Variants in CELF4 observed in about 807,000 individuals in gnomAD.
CELF4 encodes CUG-BP- and ETR-3-like factor 4.
CELF4 carries 18 observed loss-of-function variants against 59.9 expected under a neutral mutation model. The ratio of observed to expected loss-of-function variants is 0.30; its 90% CI spans 0.21 to 0.45. CELF4 has a LOEUF of 0.45. Among genes scored for constraint, CELF4 ranks in the 20% least tolerant of loss-of-function variants. The pLI is 1.00. For missense variants in CELF4, 456 were observed against 689.0 expected (o/e 0.66, Z 3.79); for synonymous variants, 261 against 267.1 (o/e 0.98, Z 0.22).
At chr18:37,306,329 C>T (rs1444052376) in intron 3 of CELF4, 5 of 152,358 alleles carry the variant, frequency 3.3e-5, no homozygotes. Flanking sequence ...TGTCACTCCC[C>T]TCCTGGCGTG....
intron 1 of CELF4, among the ~76,000 whole-genome samples, chr18:37,488,278 G>C (rs1190325818): frequency 1.3e-5 from 2 of 152,092 alleles, no homozygotes; most frequent in Non-Finnish European, 2.9e-5. Flanking sequence ...ATCACTCCCT[G>C]ACAGAGTCAC....
At chr18:37,560,272 A>G (rs541911265) in intron 1 of CELF4, among the ~76,000 whole-genome samples, 2 of 152,320 alleles carry the variant, frequency 1.3e-5, no homozygotes, top group South Asian at 4.1e-4. Flanking sequence ...ATGTTAATTT[A>G]TCTCTGTGTT....
intron 2 of CELF4, among the ~76,000 whole-genome samples, chr18:37,343,833 C>G (rs1354158296): frequency 6.6e-6 from 1 of 152,148 alleles, no homozygotes; most frequent in African/African-American, 2.4e-5. Context: ...AGACTCCCCA[C>G]TCCCAAACCC....
intron 3 of CELF4, among the ~76,000 whole-genome samples, chr18:37,309,838 G>C (rs1477228501): frequency 1.4e-5 from 2 of 148,124 alleles, no homozygotes; most frequent in African/African-American, 5.0e-5. Context: ...CCACATTTTT[G>C]CCTTGCTTGT....
intron 1 of CELF4, among the ~76,000 whole-genome samples, chr18:37,515,648 G>A (rs2154604473): frequency 6.6e-6 from 1 of 152,344 alleles, no homozygotes; most frequent in South Asian, 2.1e-4. Context: ...CCCGAGGGAT[G>A]GTATCAAGGG....
chr18:37,522,552 G>T (rs1267937789), intron 1 of CELF4, among the ~76,000 whole-genome samples: 2 of 152,148 alleles, frequency 1.3e-5, no homozygotes, highest in Admixed American at 6.5e-5. Flanking sequence ...CATGTCAGAT[G>T]GGGGCAATGA....
intron 3 of CELF4, among the ~76,000 whole-genome samples, chr18:37,286,785 C>G (rs1473796606): frequency 6.6e-6 from 1 of 152,062 alleles, no homozygotes; most frequent in East Asian, 1.9e-4. Flanking sequence ...AACACTGTGC[C>G]GAGAACCTCT....
intron 3 of CELF4, among the ~76,000 whole-genome samples, chr18:37,291,447 G>A (rs1444542696): frequency 6.6e-6 from 1 of 152,198 alleles, no homozygotes; most frequent in African/African-American, 2.4e-5. Flanking sequence ...CCGCACCCTG[G>A]TGTGGTCAGG....
At chr18:37,498,763 G>A (rs537593269) in intron 1 of CELF4, among the ~76,000 whole-genome samples, 2 of 152,190 alleles carry the variant, frequency 1.3e-5, no homozygotes, top group South Asian at 4.1e-4. Context: ...TGGAGTTCCG[G>A]GAGAGGGTTG....
chr18:37,249,904 T>G (rs1600045638), intron 12 of CELF4, among the ~76,000 whole-genome samples: 1 of 152,222 alleles, frequency 6.6e-6, no homozygotes, highest in African/African-American at 2.4e-5. Context: ...AAAGCACCTG[T>G]GCCTGCAAAG....
At chr18:37,358,743 C>T (rs1340198136) in intron 2 of CELF4, among the ~76,000 whole-genome samples, 2 of 152,188 alleles carry the variant, frequency 1.3e-5, no homozygotes, top group African/African-American at 4.8e-5. Context: ...ACTGCAGGCT[C>T]CAAGAGGGCA....
At chr18:37,430,156 C>G (rs978890551) in intron 2 of CELF4, among the ~76,000 whole-genome samples, 3 of 152,212 alleles carry the variant, frequency 2.0e-5, no homozygotes, top group African/African-American at 4.8e-5. Flanking sequence ...TCAGCCTGAG[C>G]TGACTTTGTG....
At chr18:37,280,087 A>G (rs2093934577) in intron 3 of CELF4, among the ~76,000 whole-genome samples, 1 of 152,166 alleles carries the variant, frequency 6.6e-6, no homozygotes, top group African/African-American at 2.4e-5. Flanking sequence ...CAGAGAGGGC[A>G]TCTTGGCTCT....
chr18:37,473,227 C>G (rs1370267881), intron 2 of CELF4: 1 of 152,286 alleles, frequency 6.6e-6, no homozygotes, highest in Admixed American at 6.5e-5. Context: ...CACCCCACAC[C>G]CCTTTACAAA....
chr18:37,475,267 C>T (rs1362733841), intron 2 of CELF4, among the ~76,000 whole-genome samples: 1 of 152,364 alleles, frequency 6.6e-6, no homozygotes, highest in East Asian at 1.9e-4. Context: ...TCCTTTAAAG[C>T]CTAACATTAG....
At chr18:37,287,564 C>A (rs138398034) in intron 3 of CELF4, among the ~76,000 whole-genome samples, 1 of 152,224 alleles carries the variant, frequency 6.6e-6, no homozygotes, top group Admixed American at 6.5e-5. Context: ...TGTGCCCCTT[C>A]CCCCTCCATC....
At chr18:37,456,311 G>A (rs2099778091) in intron 2 of CELF4, among the ~76,000 whole-genome samples, 1 of 152,116 alleles carries the variant, frequency 6.6e-6, no homozygotes, top group East Asian at 1.9e-4. Flanking sequence ...AAGTGGCCTC[G>A]GTGGGGTGGC....
chr18:37,319,145 G>A (rs1319896204), intron 3 of CELF4, among the ~76,000 whole-genome samples: 3 of 152,186 alleles, frequency 2.0e-5, no homozygotes, highest in African/African-American at 7.2e-5. Flanking sequence ...GTGAACTGGG[G>A]GCTGCAGGTG....
chr18:37,469,635 G>T (rs184588362), intron 2 of CELF4, among the ~76,000 whole-genome samples: 50 of 152,304 alleles, frequency 3.3e-4, no homozygotes, highest in African/African-American at 1.2e-3. Context: ...TATCCTAAAA[G>T]AAAATATTAA....
Sources: gnomAD v4.1 joint callset for allele counts (sites outside exome capture counted in the v4.1 genomes callset) on GRCh38, gnomAD v4.1.1 for gene constraint, MANE v1.5 for transcripts, NCBI Gene and HGNC (gene_info 2026-07-23, HGNC 2026-07-21) for gene names.